Variants in CNTNAP3B observed in about 807,000 individuals in gnomAD.
CNTNAP3B encodes contactin-associated protein-like 3B.
CNTNAP3B carries 25 observed loss-of-function variants against 108.9 expected under a neutral mutation model. That is an observed-to-expected ratio of 0.23 (90% confidence interval 0.17 to 0.32). The LOEUF is 0.32. CNTNAP3B is among the 10% of genes least tolerant of loss of function. The probability of loss-of-function intolerance (pLI) is 1.00; values close to 1 mark genes in which losing one functional copy is unlikely to be tolerated. For missense variants in CNTNAP3B, 252 were observed against 1,210.4 expected (o/e 0.21, Z 11.75); for synonymous variants, 103 against 473.4 (o/e 0.22, Z 10.16).
At chr9:42,073,047 T>C (rs1827408179) in intron 3 of CNTNAP3B, among the ~76,000 whole-genome samples, 1 of 139,650 alleles carries the variant, frequency 7.2e-6, no homozygotes, top group South Asian at 2.3e-4. Flanking sequence ...CTGCTTAGGG[T>C]TCACCATTTT....
intron 14 of CNTNAP3B, among the ~76,000 whole-genome samples, chr9:41,935,960 G>T (rs1168548976): frequency 1.3e-5 from 2 of 152,270 alleles, no homozygotes; most frequent in Admixed American, 1.3e-4. Context: ...TCATGGGAGG[G>T]TCACTCAATA....
intron 1 of CNTNAP3B, among the ~76,000 whole-genome samples, chr9:42,105,954 C>A (rs1338768868): frequency 6.3e-5 from 2 of 31,540 alleles, no homozygotes; most frequent in Non-Finnish European, 6.4e-5. Context: ...AGAAAGAAGG[C>A]AACCAGAATT....
intron 3 of CNTNAP3B, among the ~76,000 whole-genome samples, chr9:42,059,905 A>G (rs1462951846): frequency 2.1e-5 from 3 of 143,324 alleles, no homozygotes; most frequent in Non-Finnish European, 4.6e-5. Context: ...TTTATGCATT[A>G]GTTCTAATAA....
intron 13 of CNTNAP3B, among the ~76,000 whole-genome samples, chr9:41,942,628 A>T (rs1328475138): frequency 1.3e-5 from 2 of 150,698 alleles, no homozygotes; most frequent in African/African-American, 4.9e-5. Context: ...AAAATAAAAT[A>T]AAAACATTAA....
chr9:41,962,828 G>A (rs1470617174), intron 11 of CNTNAP3B, among the ~76,000 whole-genome samples: 3,508 of 148,554 alleles, frequency 0.024, 3 homozygotes, highest in Non-Finnish European at 0.034. Flanking sequence ...GGTGGCGGGC[G>A]CCTGTAGTCC....
intron 7 of CNTNAP3B, chr9:41,994,121 CAT>C (rs1237237812): frequency 3.3e-5 from 4 of 122,070 alleles, no homozygotes; most frequent in Non-Finnish European, 5.1e-5. Flanking sequence ...CTCTTTGTGT[CAT>C]AAGGCCCAAC....
intron 13 of CNTNAP3B, among the ~76,000 whole-genome samples, chr9:41,946,041 A>G (rs1471661187): frequency 6.6e-6 from 1 of 152,126 alleles, no homozygotes; most frequent in Non-Finnish European, 1.5e-5. Context: ...AAGATATAAT[A>G]ATGCTTAATA....
intron 13 of CNTNAP3B, among the ~76,000 whole-genome samples, chr9:41,941,030 A>G (rs1318259493): frequency 5.3e-5 from 8 of 150,730 alleles, no homozygotes; most frequent in African/African-American, 1.7e-4. Flanking sequence ...ATATATGATA[A>G]TTGACACAAA....
In CNTNAP3B at chr9:41,940,786, G is replaced by A. The variant is rs796678800; in HGVS notation, c.2081-2386C>T. On this transcript the variant is annotated intron_variant, in intron 13 of 23. Transcript: ENST00000377561. The stretch of plus-strand genomic sequence containing the variant: ...GCCGAGATTGTGCCACTGCACTCCA[G>A]CCAGGGCGACAGAGTGAGACTCCAT... 5.9e-5 allele frequency among the ~76,000 whole-genome samples: 9 copies of A among 151,976 alleles called. No homozygotes were observed. In the South Asian group the frequency reaches 6.2e-4, roughly 11 times the overall value.
intron 11 of CNTNAP3B, among the ~76,000 whole-genome samples, chr9:41,961,758 G>A (rs1383512151): frequency 6.6e-6 from 1 of 152,294 alleles, no homozygotes; most frequent in Non-Finnish European, 1.5e-5. Flanking sequence ...TTCAAAACAG[G>A]AGAGAAACTT....
chr9:42,028,936 G>A lies in CNTNAP3B; in HGVS notation c.391-15411C>T, dbSNP rs969062407. On this transcript the variant is annotated intron_variant, in intron 3 of 23. Coordinates refer to ENST00000377561, the MANE Select transcript of CNTNAP3B (RefSeq NM_001201380.3). ...TCATAAATAAATTAAAATTTTTTTG[G>A]CATTTAAATGAGTCGGCAATATTGC... Among the ~76,000 whole-genome samples the A allele has an allele frequency of 1.9e-4, 29 of 151,808 alleles. No homozygotes were observed. The South Asian group carries it at 3.7e-3, about 20-fold the overall frequency.
chr9:42,109,130 A>T (rs1828139258), intron 1 of CNTNAP3B, among the ~76,000 whole-genome samples: 2 of 139,042 alleles, frequency 1.4e-5, no homozygotes, highest in Admixed American at 1.4e-4. Flanking sequence ...TGTATTGAGC[A>T]CCTACCATGT....
intron 12 of CNTNAP3B, among the ~76,000 whole-genome samples, chr9:41,956,574 A>C (rs1824867442): frequency 2.6e-5 from 4 of 151,012 alleles, no homozygotes; most frequent in Non-Finnish European, 3.0e-5. Flanking sequence ...TATGTCCCAG[A>C]AGAAAAAAGA....
chr9:41,952,679 A>C (rs1472804028), intron 13 of CNTNAP3B, among the ~76,000 whole-genome samples: 4 of 150,644 alleles, frequency 2.7e-5, no homozygotes, highest in Admixed American at 6.6e-5. Context: ...CACTGACAAA[A>C]GGTTTTAATA....
At chr9:41,951,934 G>C (rs1240493438) in intron 13 of CNTNAP3B, among the ~76,000 whole-genome samples, 3 of 152,212 alleles carry the variant, frequency 2.0e-5, no homozygotes, top group Non-Finnish European at 4.4e-5. Flanking sequence ...AAAATTAGCC[G>C]GGCGTGGCGG....
At chr9:41,968,836 T>C (rs1226206105) in intron 10 of CNTNAP3B, among the ~76,000 whole-genome samples, 4 of 151,226 alleles carry the variant, frequency 2.6e-5, no homozygotes, top group Admixed American at 1.3e-4. Context: ...CTGGCTCTGT[T>C]GCCCAGTCTG....
At chr9:41,930,701 T>C (rs1165052378) in intron 14 of CNTNAP3B, among the ~76,000 whole-genome samples, 1 of 152,300 alleles carries the variant, frequency 6.6e-6, no homozygotes, top group Admixed American at 6.5e-5. Context: ...GTATTAATTA[T>C]GTGACTGGGA....
chr9:42,086,494 C>T (rs1233274423), intron 2 of CNTNAP3B, among the ~76,000 whole-genome samples: 4 of 137,626 alleles, frequency 2.9e-5, no homozygotes, highest in Non-Finnish European at 4.7e-5. Context: ...GTTGCCCAGG[C>T]CAAGATTCAA....
chr9:41,921,884 T>C (rs1203728905), intron 17 of CNTNAP3B, among the ~76,000 whole-genome samples: 1 of 148,382 alleles, frequency 6.7e-6, no homozygotes, highest in Non-Finnish European at 1.5e-5. Context: ...TCAGCGGGTA[T>C]CCTGCGATCT....
Sources: allele counts gnomAD v4.1 joint callset (sites outside exome capture counted in the v4.1 genomes callset), GRCh38; gene constraint gnomAD v4.1.1; transcripts MANE v1.5; gene names NCBI Gene and HGNC (gene_info 2026-07-23, HGNC 2026-07-21).